ZC3H3: variants seen among roughly 807,000 people sequenced by gnomAD.
The protein encoded by ZC3H3 is zinc finger CCCH-type containing 3.
ZC3H3 carries 36 observed loss-of-function variants against 77.3 expected under a neutral mutation model. That is an observed-to-expected ratio of 0.47 (90% CI 0.36 to 0.61). ZC3H3 has a LOEUF of 0.61. Among genes scored for constraint, ZC3H3 ranks in the 20% least tolerant of loss-of-function variants. The pLI, the probability that ZC3H3 is intolerant of heterozygous loss-of-function variation, is 0.00. For synonymous variants in ZC3H3, 626 were observed against 555.2 expected (o/e 1.13, Z -1.79); for missense variants, 1,331 against 1,312.2 (o/e 1.01, Z -0.22).
At chr8:143,455,798 C>A (rs1417841153) in intron 9 of ZC3H3, among the ~76,000 whole-genome samples, 12 of 151,180 alleles carry the variant, frequency 7.9e-5, no homozygotes, top group Non-Finnish European at 1.2e-4. Context: ...CATGGTGAAA[C>A]CCCGTCTCTA....
chr8:143,516,525 TCACACACA>T (rs57359541), intron 3 of ZC3H3, among the ~76,000 whole-genome samples: 46,901 of 139,824 alleles, frequency 0.34, 7,504 homozygotes, highest in South Asian at 0.43. Flanking sequence ...AACTTTGCAA[TCACACACA>T]CACACACACA....
At chr8:143,441,895 C>T (rs1424624062) in intron 9 of ZC3H3, among the ~76,000 whole-genome samples, 2 of 152,202 alleles carry the variant, frequency 1.3e-5, no homozygotes, top group Non-Finnish European at 2.9e-5. Context: ...CTGCAGAGCC[C>T]ACTGCATGGG....
chr8:143,473,961 G>T (rs556935553), intron 5 of ZC3H3, among the ~76,000 whole-genome samples: 1 of 152,162 alleles, frequency 6.6e-6, no homozygotes, highest in African/African-American at 2.4e-5. Flanking sequence ...AGCCCCACAG[G>T]CCACCAAGCT....
rs763445850 is a variant in ZC3H3, at chr8:143,475,413, G to A, written c.1888C>T (p.Pro630Ser). ...CACCTCTCACCTGTGCGCAGGAGGGGCCTGCTGCCCGCATCACTGGGCTGG... is the reference window on the plus strand; with the variant it reads ...CACCTCTCACCTGTGCGCAGGAGGGACCTGCTGCCCGCATCACTGGGCTGG... ...SGQPSDAGSR[P>S]LLRTGRLDPA... Residue 630 changes from proline (P) to serine (S), a missense_variant, in exon 5 of 12, where the codon CCC becomes TCC. By Grantham distance (74) the Pro-to-Ser change is moderately conservative. This residue lies in a region of ZC3H3 where 978 missense variants were observed against 915.5 expected (regional missense o/e 1.07). Transcript: ENST00000262577. 36 of 1,612,804 alleles carry A rather than the reference G, an allele frequency of 2.2e-5. No homozygotes were observed. In the South Asian group the frequency reaches 3.4e-4, roughly 15 times the overall value.
intron 3 of ZC3H3, chr8:143,523,497 C>T (rs1822317009): frequency 8.1e-6 from 8 of 985,402 alleles, no homozygotes; most frequent in Non-Finnish European, 9.6e-6. Flanking sequence ...TCCATGTGGC[C>T]CTACAGACGG....
At chr8:143,470,617 G>A (rs1368745238) in intron 5 of ZC3H3, among the ~76,000 whole-genome samples, 1 of 152,202 alleles carries the variant, frequency 6.6e-6, no homozygotes, top group African/African-American at 2.4e-5. Context: ...ACACTGCGAC[G>A]CCATCTGCTC....
intron 4 of ZC3H3, among the ~76,000 whole-genome samples, chr8:143,506,070 C>A (rs1269332364): frequency 6.6e-6 from 1 of 152,260 alleles, no homozygotes; most frequent in Non-Finnish European, 1.5e-5. Flanking sequence ...CTCCTCCCGG[C>A]CTCCTCAGCC....
At chr8:143,478,540 G>A (rs189292864) in intron 4 of ZC3H3, among the ~76,000 whole-genome samples, 3 of 152,328 alleles carry the variant, frequency 2.0e-5, no homozygotes, top group African/African-American at 7.2e-5. Flanking sequence ...ATGGAGTTTT[G>A]CTCTTGTGAC....
chr8:143,474,041 C>A (rs114858562), intron 5 of ZC3H3, among the ~76,000 whole-genome samples: 32 of 152,282 alleles, frequency 2.1e-4, no homozygotes, highest in African/African-American at 6.0e-4. Flanking sequence ...TCCCCCAACC[C>A]ACGGCAGCAT....
At position 143,490,926 on chromosome 8, in the gene ZC3H3, A is replaced by G. The variant is rs546516181; in HGVS notation, c.1716-15341T>C. ...CGTCTCAAAATAAATAAACAAATAA[A>G]TATTGACTATGTAAATGATACTTTA... On this transcript the variant is annotated intron_variant, in intron 4 of 11. Transcript: ENST00000262577. 2.0e-5 allele frequency among the ~76,000 whole-genome samples: 3 copies of G among 152,328 alleles called. No homozygotes were observed. The South Asian group carries it at 6.2e-4, about 32-fold the overall frequency.
chr8:143,526,798 C>T (rs1217132633), intron 3 of ZC3H3, among the ~76,000 whole-genome samples: 3 of 152,150 alleles, frequency 2.0e-5, no homozygotes, highest in East Asian at 1.9e-4. Context: ...GCTGGAAAGC[C>T]GCCTCAGTGC....
At position 143,440,298 on chromosome 8, in the gene ZC3H3, G is replaced by A; in HGVS notation, c.2558C>T (p.Ala853Val). Residue 853 changes from alanine to valine, a missense_variant, in exon 11 of 12, where the codon GCC (alanine) becomes GTC (valine). By Grantham distance (64) the Ala-to-Val change is moderately conservative. Around this residue, in one of 3 missense-constraint regions of ZC3H3, gnomAD observed 249 missense variants for 236.9 expected, o/e 1.05. Coordinates refer to ENST00000262577, the MANE Select transcript of ZC3H3 (RefSeq NM_015117.3). ...TGGGCAGTGGGGAGGTGCAGCCACGGCAGCCGCAGTGAGGGCAGCCGAGCT... is the reference window on the plus strand; with the variant it reads ...TGGGCAGTGGGGAGGTGCAGCCACGACAGCCGCAGTGAGGGCAGCCGAGCT... Reference protein sequence around the residue: ...TPSSAALTAAAVAAPPHCPGG... With the variant: ...TPSSAALTAAVVAAPPHCPGG... 1 of 1,566,488 alleles carries A rather than the reference G, an allele frequency of 6.4e-7. No individual in the cohort carries two copies. The highest frequency in any genetic ancestry group is 8.7e-7 in the Non-Finnish European group (1 of 1,153,716).
At chr8:143,528,005 TCCAGCACCGGACATGGGGCTGCTCC>T (rs1199407743) in intron 3 of ZC3H3, among the ~76,000 whole-genome samples, 1 of 152,200 alleles carries the variant, frequency 6.6e-6, no homozygotes, top group Non-Finnish European at 1.5e-5. Flanking sequence ...GGTCCAGGCC[TCCAGCACCGGACATGGGGCTGCTCC>T]CCAGTACCTA....
intron 4 of ZC3H3, among the ~76,000 whole-genome samples, chr8:143,479,334 G>A (rs1297720742): frequency 6.6e-6 from 1 of 152,176 alleles, no homozygotes; most frequent in Non-Finnish European, 1.5e-5. Context: ...CTAATGGAGA[G>A]GATGGCCTTT....
At position 143,533,582 on chromosome 8, in the gene ZC3H3, G is replaced by A. The variant is rs146804820; in HGVS notation, c.1561+2675C>T. 1.9e-3 allele frequency among the ~76,000 whole-genome samples: 289 copies of A among 152,140 alleles called. 9 individuals carry two copies. The highest frequency in any genetic ancestry group is 0.013 in the Admixed American group (204 of 15,286). ...CTGCCAGGCACAGTGACTCAACCACGCTTGCCAGTTGGGCCAGTGGTGGGC... is the reference window on the plus strand; with the variant it reads ...CTGCCAGGCACAGTGACTCAACCACACTTGCCAGTTGGGCCAGTGGTGGGC... On this transcript the variant is annotated intron_variant, in intron 3 of 11. Transcript: ENST00000262577. This position sits in a 1 kb window ranked among gnomAD's most constrained non-coding sequence, Gnocchi z 4.0.
chr8:143,451,067 G>A (rs1819976024), intron 9 of ZC3H3, among the ~76,000 whole-genome samples: 1 of 152,094 alleles, frequency 6.6e-6, no homozygotes, highest in Non-Finnish European at 1.5e-5. Context: ...TGCTGTGGGG[G>A]ACTGCGGGTG....
In ZC3H3 at chr8:143,437,837, G is replaced by A. The variant is rs865934313; in HGVS notation, c.*219C>T. ...CCTGCCTGGCACCCTGGAAGGTGGT[G>A]GGGTGGGGACAGGGGCCTGGCTTGG... On this transcript the variant is annotated 3_prime_UTR_variant, in exon 12 of 12. Coordinates refer to ENST00000262577, the MANE Select transcript of ZC3H3 (RefSeq NM_015117.3). 1.2e-4 allele frequency: 71 copies of A among 609,058 alleles called. No individual in the cohort carries two copies. Among genetic ancestry groups the A allele is most frequent in the African/African-American group, 1.1e-3 (61 of 54,060 alleles). The allele number at this position is 609,058 out of a possible 1,614,324, so 37.7% of individuals were successfully genotyped here.
intron 3 of ZC3H3, among the ~76,000 whole-genome samples, chr8:143,517,116 T>C (rs1197272963): frequency 6.6e-6 from 1 of 152,194 alleles, no homozygotes; most frequent in African/African-American, 2.4e-5. Flanking sequence ...CTTCTTAAAG[T>C]CACTCAAGCA....
intron 9 of ZC3H3, among the ~76,000 whole-genome samples, chr8:143,459,752 T>A (rs187621203): frequency 4.4e-4 from 67 of 151,014 alleles, no homozygotes; most frequent in African/African-American, 1.3e-3. Context: ...CTGACAAAAT[T>A]CAACACCATT....
Sources: gnomAD v4.1 joint callset for allele counts (sites outside exome capture counted in the v4.1 genomes callset) on GRCh38, gnomAD v4.1.1 for gene constraint, gnomAD v4.1.1 regional missense constraint, Gnocchi (gnomAD v3.1) non-coding constraint, MANE v1.5 for transcripts, NCBI Gene and HGNC (gene_info 2026-07-23, HGNC 2026-07-21) for gene names.